Variants in ESRRG observed in about 807,000 individuals in gnomAD.
ESRRG encodes estrogen related receptor gamma.
A neutral mutation model predicts 44.0 loss-of-function variants in ESRRG; 13 were observed. The observed-to-expected ratio is 0.30, with a 90% CI of 0.19 to 0.47. ESRRG has a LOEUF of 0.47. Ranked by LOEUF, ESRRG falls within the 20% of genes least tolerant of loss-of-function variation. ESRRG has a pLI of 1.00. For synonymous variants in ESRRG, 215 were observed against 214.6 expected, an observed-to-expected ratio of 1.00 and a Z score of -0.02; for missense variants, 395 against 580.6, an observed-to-expected ratio of 0.68 and a Z score of 3.29.
At chr1:217,026,231 A>C (rs1181824640) in intron 1 of ESRRG, among the ~76,000 whole-genome samples, 1 of 152,222 alleles carries the variant, frequency 6.6e-6, no homozygotes, top group Admixed American at 6.5e-5. Flanking sequence ...CTACCTGCTG[A>C]CTAGATGCCC....
At chr1:216,870,860 C>A (rs1018336451) in intron 2 of ESRRG, among the ~76,000 whole-genome samples, 4 of 151,708 alleles carry the variant, frequency 2.6e-5, no homozygotes, top group African/African-American at 9.7e-5. Flanking sequence ...CTGATATTGA[C>A]AATTTGTGTA....
chr1:216,565,310 A>G (rs1192904739), intron 4 of ESRRG, among the ~76,000 whole-genome samples: 1 of 152,160 alleles, frequency 6.6e-6, no homozygotes, highest in African/African-American at 2.4e-5. Flanking sequence ...CAATTTCTAT[A>G]TGTAGCTTAA....
At chr1:216,905,671 T>A (rs1220644805) in intron 2 of ESRRG, among the ~76,000 whole-genome samples, 1 of 152,216 alleles carries the variant, frequency 6.6e-6, no homozygotes, top group Non-Finnish European at 1.5e-5. Context: ...TGGAGATTAG[T>A]AGACTCCAAA....
At chr1:216,923,375 G>A (rs2062076137) in intron 2 of ESRRG, among the ~76,000 whole-genome samples, 1 of 152,032 alleles carries the variant, frequency 6.6e-6, no homozygotes, top group Non-Finnish European at 1.5e-5. Flanking sequence ...TAGCTGCAAA[G>A]CTCCCTGAAT....
intron 1 of ESRRG, among the ~76,000 whole-genome samples, chr1:217,082,697 A>G (rs1480323459): frequency 9.7e-5 from 14 of 144,622 alleles, no homozygotes; most frequent in Non-Finnish European, 1.8e-4. Flanking sequence ...CCTCTTCTTC[A>G]TCCAACTGCT....
intron 3 of ESRRG, among the ~76,000 whole-genome samples, chr1:216,648,291 T>C (rs1311902268): frequency 6.6e-6 from 1 of 152,112 alleles, no homozygotes; most frequent in Non-Finnish European, 1.5e-5. Context: ...CTCATAACCA[T>C]CCCATCCTTT....
chr1:217,064,230 CACATATGTGTTATGTGTATATAT>C (rs2089206541), intron 1 of ESRRG, among the ~76,000 whole-genome samples: 1 of 151,604 alleles, frequency 6.6e-6, no homozygotes, highest in Admixed American at 6.6e-5. Context: ...GTACATTACA[CACATATGTGTTATGTGTATATAT>C]ACATATATGT....
intron 2 of ESRRG, among the ~76,000 whole-genome samples, chr1:216,659,212 T>C (rs1482599139): frequency 1.3e-5 from 2 of 152,192 alleles, no homozygotes; most frequent in Non-Finnish European, 2.9e-5. Flanking sequence ...CTCTCCAGTT[T>C]GCAAATATTA....
intron 3 of ESRRG, among the ~76,000 whole-genome samples, chr1:216,589,085 T>A (rs551904728): frequency 6.6e-6 from 1 of 152,296 alleles, no homozygotes; most frequent in East Asian, 1.9e-4. Context: ...TAAAGAAAGA[T>A]AAGAAGTATG....
intron 1 of ESRRG, among the ~76,000 whole-genome samples, chr1:216,978,792 G>A (rs2073420123): frequency 6.6e-6 from 1 of 152,130 alleles, no homozygotes; most frequent in Non-Finnish European, 1.5e-5. Flanking sequence ...TGAAATGAGA[G>A]CTGTGAGCCA....
chr1:216,580,707 T>C (rs1332196831), intron 3 of ESRRG, among the ~76,000 whole-genome samples: 5 of 152,176 alleles, frequency 3.3e-5, no homozygotes, highest in Admixed American at 2.0e-4. Context: ...AGTCTATGAA[T>C]GAAATGGTGT....
intron 1 of ESRRG, among the ~76,000 whole-genome samples, chr1:217,080,588 G>A (rs1279833609): frequency 4.0e-5 from 6 of 150,418 alleles, no homozygotes; most frequent in Admixed American, 6.6e-5. Context: ...AGCCTGACCC[G>A]AAGACATCTC....
chr1:216,937,566 G>A (rs1011854852), intron 2 of ESRRG, among the ~76,000 whole-genome samples: 7 of 152,124 alleles, frequency 4.6e-5, no homozygotes, highest in Non-Finnish European at 1.0e-4. Context: ...AAGAACCACT[G>A]AAGCTCAGCA....
At chr1:217,091,850 A>T (rs1407737359), upstream of ESRRG, among the ~76,000 whole-genome samples, 1 of 152,194 alleles carries the variant, frequency 6.6e-6, no homozygotes, top group African/African-American at 2.4e-5. Flanking sequence ...TCAATCTACC[A>T]TCCTGGTTCT....
chr1:216,638,151 GAAT>G (rs2065675923), intron 3 of ESRRG, among the ~76,000 whole-genome samples: 1 of 152,106 alleles, frequency 6.6e-6, no homozygotes, highest in African/African-American at 2.4e-5. Context: ...GTGAAGAATG[GAAT>G]ACTAAAAATT....
At chr1:216,961,561 A>ATTTTTTTTTTT (rs35113256) in intron 1 of ESRRG, among the ~76,000 whole-genome samples, 5 of 131,970 alleles carry the variant, frequency 3.8e-5, no homozygotes, top group African/African-American at 5.5e-5. Context: ...ATTTACTCTT[A>ATTTTTTTTTTT]TTTTTTTTTT....
At chr1:216,699,680 T>A (rs1470911058) in intron 1 of ESRRG, among the ~76,000 whole-genome samples, 2 of 152,038 alleles carry the variant, frequency 1.3e-5, no homozygotes, top group East Asian at 3.9e-4. Context: ...GAACGAGGGA[T>A]GATTTCTGCC....
intron 1 of ESRRG, among the ~76,000 whole-genome samples, chr1:217,053,133 T>TAAAAAAAAAAAAAAAAAAAAAAAAAAAAA (rs71303007): frequency 8.4e-6 from 1 of 119,054 alleles, no homozygotes; most frequent in Non-Finnish European, 1.7e-5. Context: ...AATCCCATCT[T>TAAAAAAAAAAAAAAAAAAAAAAAAAAAAA]AAAAAAAAAA....
chr1:216,837,131 C>T (rs1266400177), intron 2 of ESRRG, among the ~76,000 whole-genome samples: 3 of 151,858 alleles, frequency 2.0e-5, no homozygotes, highest in South Asian at 4.2e-4. Context: ...ACTTTTAGGC[C>T]GGGCAAGGTG....
Sources: allele counts gnomAD v4.1 joint callset (sites outside exome capture counted in the v4.1 genomes callset), GRCh38; gene constraint gnomAD v4.1.1; transcripts MANE v1.5; gene names NCBI Gene and HGNC (gene_info 2026-07-23, HGNC 2026-07-21).